The following EIPR1 variants were observed in gnomAD, a reference collection of about 807,000 sequenced individuals.
EIPR1 encodes EARP complex and GARP complex interacting protein 1, also known as EARP and GARP complex-interacting protein 1.
EIPR1 carries 25 observed loss-of-function variants against 48.1 expected under a neutral mutation model. The observed-to-expected ratio is 0.52, with a 90% confidence interval of 0.38 to 0.73. The LOEUF (loss-of-function observed/expected upper bound fraction) is 0.73. EIPR1 is among the 30% of genes least tolerant of loss of function. The pLI, the probability that EIPR1 is intolerant of heterozygous loss-of-function variation, is 0.00. For synonymous variants in EIPR1, 204 were observed against 201.9 expected, an observed-to-expected ratio of 1.01 and a Z score of -0.09; for missense variants, 415 against 506.2, an observed-to-expected ratio of 0.82 and a Z score of 1.73.
chr2:3,377,644 C>T lies in EIPR1; in HGVS notation c.42+4G>A. 1 of 1,573,260 alleles carries T rather than the reference C, an allele frequency of 6.4e-7. No homozygotes were observed. On this transcript the variant is annotated splice_donor_region_variant and intron_variant, in intron 1 of 8. Coordinates refer to ENST00000382125, the MANE Select transcript of EIPR1 (RefSeq NM_003310.5). ...CAGCACCTGCCGCCCTCCCAGTGAC[C>T]CACCTGGAACTCCAGCCCGTAGATC...
chr2:3,206,767 T>C (rs1029329042), intron 5 of EIPR1, among the ~76,000 whole-genome samples: 6 of 152,018 alleles, frequency 3.9e-5, no homozygotes, highest in African/African-American at 7.3e-5. Flanking sequence ...TTTACCAAGA[T>C]AGACTATAAG....
intron 1 of EIPR1, among the ~76,000 whole-genome samples, chr2:3,368,687 G>C (rs890354816): frequency 6.6e-6 from 1 of 152,178 alleles, no homozygotes; most frequent in South Asian, 2.1e-4. Context: ...CTTTGAGATA[G>C]TCACAAAGAA....
chr2:3,328,754 C>T (rs1669782874), intron 3 of EIPR1, among the ~76,000 whole-genome samples: 1 of 139,346 alleles, frequency 7.2e-6, no homozygotes, highest in African/African-American at 2.8e-5. Context: ...TGAATCAGAG[C>T]CCACCCACCA....
chr2:3,196,167 T>C (rs1402047439), intron 6 of EIPR1, among the ~76,000 whole-genome samples: 1 of 152,204 alleles, frequency 6.6e-6, no homozygotes, highest in African/African-American at 2.4e-5. Context: ...CCCCTGAGTT[T>C]TCAGAGGGGC....
At chr2:3,228,464 G>T (rs1461454220) in intron 4 of EIPR1, among the ~76,000 whole-genome samples, 1 of 152,258 alleles carries the variant, frequency 6.6e-6, no homozygotes, top group African/African-American at 2.4e-5. Flanking sequence ...TGCATAGGCA[G>T]AAGGGACTTG....
chr2:3,223,438 C>A (rs535823345), intron 4 of EIPR1, among the ~76,000 whole-genome samples: 1 of 152,298 alleles, frequency 6.6e-6, no homozygotes, highest in African/African-American at 2.4e-5. Context: ...ACCTAAGAGG[C>A]CTTTAGTAAA....
At chr2:3,200,569 G>A (rs1233968442) in intron 5 of EIPR1, among the ~76,000 whole-genome samples, 1 of 152,072 alleles carries the variant, frequency 6.6e-6, no homozygotes, top group Non-Finnish European at 1.5e-5. Flanking sequence ...GAAAACGCCA[G>A]GAGCACACAG....
chr2:3,333,971 G>C (rs975754751), intron 3 of EIPR1, among the ~76,000 whole-genome samples: 2 of 152,116 alleles, frequency 1.3e-5, no homozygotes, highest in African/African-American at 4.8e-5. Context: ...TGTCTCAGAA[G>C]CCCTCAGCCT....
At chr2:3,306,728 G>A (rs1438037285) in intron 3 of EIPR1, among the ~76,000 whole-genome samples, 1 of 152,096 alleles carries the variant, frequency 6.6e-6, no homozygotes, top group South Asian at 2.1e-4. Flanking sequence ...TCATCCTGTC[G>A]TCTTCACACT....
intron 1 of EIPR1, among the ~76,000 whole-genome samples, chr2:3,355,783 T>G (rs1483607670): frequency 6.8e-6 from 1 of 146,926 alleles, no homozygotes; most frequent in Non-Finnish European, 1.5e-5. Context: ...CACTGCACTC[T>G]AGCCTGGGTG....
At position 3,377,778 on chromosome 2, in the gene EIPR1, G is replaced by C. The variant is rs1558328496; in HGVS notation, c.-89C>G. On this transcript the variant is annotated 5_prime_UTR_variant, in exon 1 of 9. Transcript: ENST00000382125. Reference sequence around the variant, plus strand: ...TCCCCACCTCGCGGGCGTGTTCCCAGCGCCCATTCATTCCCTCCCCGCAGC... The same window carrying C: ...TCCCCACCTCGCGGGCGTGTTCCCACCGCCCATTCATTCCCTCCCCGCAGC... 13 of 1,498,256 alleles carry C rather than the reference G, an allele frequency of 8.7e-6. No homozygotes were observed. Among genetic ancestry groups the C allele is most frequent in the Non-Finnish European group, 1.1e-5 (12 of 1,105,432 alleles). The allele number at this position is 1,498,256 out of a possible 1,614,324, so 92.8% of individuals were successfully genotyped here.
intron 3 of EIPR1, among the ~76,000 whole-genome samples, chr2:3,269,283 C>T (rs1667598526): frequency 7.2e-6 from 1 of 138,276 alleles, no homozygotes; most frequent in Non-Finnish European, 1.6e-5. Flanking sequence ...TCAGTCATGG[C>T]ACTCAGTCAT....
chr2:3,362,226 CAG>C (rs1259553283), intron 1 of EIPR1, among the ~76,000 whole-genome samples: 1 of 151,812 alleles, frequency 6.6e-6, no homozygotes, highest in East Asian at 1.9e-4. Context: ...TTCATACACA[CAG>C]GGGTGAGCCC....
At chr2:3,340,033 C>T (rs892089812) in intron 2 of EIPR1, among the ~76,000 whole-genome samples, 1 of 152,256 alleles carries the variant, frequency 6.6e-6, no homozygotes, top group Admixed American at 6.5e-5. Context: ...CCCCTTTCGC[C>T]TTCCGCCATG....
intron 2 of EIPR1, among the ~76,000 whole-genome samples, chr2:3,353,906 AT>A (rs1670653014): frequency 6.6e-6 from 1 of 152,136 alleles, no homozygotes; most frequent in Admixed American, 6.6e-5. Flanking sequence ...CCTCCCGCAC[AT>A]TTTCCCAGTG....
At chr2:3,222,133 C>T (rs1281025639) in intron 4 of EIPR1, among the ~76,000 whole-genome samples, 1 of 152,224 alleles carries the variant, frequency 6.6e-6, no homozygotes, top group Non-Finnish European at 1.5e-5. Flanking sequence ...TTAAGAGCAG[C>T]ATGTGCTCTA....
chr2:3,318,579 C>G (rs887735908), intron 3 of EIPR1, among the ~76,000 whole-genome samples: 1 of 152,194 alleles, frequency 6.6e-6, no homozygotes, highest in Non-Finnish European at 1.5e-5. Context: ...AAATGGCCCA[C>G]TATTCCAGAG....
At chr2:3,275,778 A>G (rs1667829646) in intron 3 of EIPR1, among the ~76,000 whole-genome samples, 1 of 152,184 alleles carries the variant, frequency 6.6e-6, no homozygotes, top group Admixed American at 6.5e-5. Context: ...TGAAAAGGCA[A>G]AATTGAGGAT....
chr2:3,292,458 C>T (rs982259007), intron 3 of EIPR1, among the ~76,000 whole-genome samples: 13 of 151,638 alleles, frequency 8.6e-5, no homozygotes, highest in Admixed American at 5.3e-4. Context: ...CATGCTGTTG[C>T]GGGGACAGCC....
Sources: gnomAD v4.1 joint callset for allele counts (sites outside exome capture counted in the v4.1 genomes callset) on GRCh38, gnomAD v4.1.1 for gene constraint, MANE v1.5 for transcripts, NCBI Gene and HGNC (gene_info 2026-07-23, HGNC 2026-07-21) for gene names.